DTWD2: variants seen among roughly 807,000 people sequenced by gnomAD.
The protein encoded by DTWD2 is tRNA-uridine aminocarboxypropyltransferase 2.
Under a neutral mutation model 31.8 loss-of-function variants are expected in DTWD2, and 39 were observed. That is an observed-to-expected ratio of 1.22 (90% CI 0.95 to 1.60). The LOEUF (loss-of-function observed/expected upper bound fraction) is 1.60, where lower values mean the gene tolerates loss of function less well. Ranked by LOEUF, DTWD2 falls within the 40% of genes most tolerant of loss-of-function variation. DTWD2 has a pLI of 0.00. For missense variants in DTWD2, 515 were observed against 381.5 expected, an observed-to-expected ratio of 1.35 and a Z score of -2.92; for synonymous variants, 180 against 142.8, an observed-to-expected ratio of 1.26 and a Z score of -1.86.
chr5:118,867,826 G>A (rs114133017), intron 4 of DTWD2, among the ~76,000 whole-genome samples: 2,045 of 152,168 alleles, frequency 0.013, 52 homozygotes, highest in African/African-American at 0.047. Flanking sequence ...ACTTAATATT[G>A]TTAAAATGTC....
chr5:118,984,141 T>G (rs905597059), intron 1 of DTWD2, among the ~76,000 whole-genome samples: 2 of 152,052 alleles, frequency 1.3e-5, no homozygotes, highest in African/African-American at 4.8e-5. Context: ...ACAAAATTAG[T>G]GAGGCGTGGT....
intron 4 of DTWD2, among the ~76,000 whole-genome samples, chr5:118,864,692 A>C (rs532201585): frequency 4.0e-5 from 6 of 150,266 alleles, no homozygotes; most frequent in Non-Finnish European, 7.4e-5. Context: ...GTTAGGGTAC[A>C]TGTGTGTGTA....
Position 118,944,652 on chromosome 5 carries a change from A to G in DTWD2, c.219-3T>C, listed in dbSNP as rs544754424. The G allele has an allele frequency of 1.9e-6, 3 of 1,609,418 alleles. No homozygotes were observed. The highest frequency in any genetic ancestry group is 2.2e-5 in the East Asian group (1 of 44,768). ...ACAAACACACTTTCTGAGGCCGGCT[A>G]AAGGGTAAAAAGAAAAATAAAACTG... On this transcript the variant is annotated splice_region_variant and splice_polypyrimidine_tract_variant and intron_variant, in intron 1 of 5. Coordinates refer to ENST00000510708, the MANE Select transcript of DTWD2 (RefSeq NM_173666.4).
chr5:118,988,334 C>A lies in DTWD2; in HGVS notation c.178G>T (p.Val60Leu). The A allele has an allele frequency of 6.5e-7, 1 of 1,547,298 alleles. No homozygotes were observed. The highest frequency in any genetic ancestry group is 8.7e-7 in the Non-Finnish European group (1 of 1,150,370). The change falls in exon 1 of 6, where the codon GTG (valine) becomes TTG (leucine). Residue 60 changes from valine (V) to leucine (L), a missense_variant. By Grantham distance (32) the Val-to-Leu change is conservative. Transcript: ENST00000510708. Reference sequence around the variant, plus strand: ...TCAGGCCTCCGCTCGGCCGGCTCCACCGGCAGCTCCCACAGCCCGTCCGCA... The same window carrying A: ...TCAGGCCTCCGCTCGGCCGGCTCCAACGGCAGCTCCCACAGCCCGTCCGCA... ...DSADGLWELP[V>L]EPAERRPECT...
chr5:118,920,177 A>G lies in DTWD2; in HGVS notation c.597+8360T>C, dbSNP rs530624631. On this transcript the variant is annotated intron_variant, in intron 4 of 5. Transcript: ENST00000510708. ...TCAGTCTTTGGTATTTTGTTGTAAC[A>G]CCCTGAAAAAACAAAAAGCCCAAGC... is the stretch of plus-strand genomic sequence containing the variant. Among the ~76,000 whole-genome samples, 171 of 152,182 alleles carry G rather than the reference A, an allele frequency of 1.1e-3. 1 individual carries two copies. Among genetic ancestry groups the G allele is most frequent in the Non-Finnish European group, 1.1e-3 (72 of 68,012 alleles).
rs1751570064 is a variant in DTWD2, at chr5:118,836,393, T to C, written c.*4524A>G. ...AGCTGGGATTACAGGTGCCTGCCAC[T>C]ACGCCTGGCTAATTTTTGTATTTTT... On this transcript the variant is annotated 3_prime_UTR_variant, in exon 6 of 6. Transcript: ENST00000510708. Among the ~76,000 whole-genome samples, 1 of 151,992 alleles carries C rather than the reference T, an allele frequency of 6.6e-6. No homozygotes were observed.
Position 118,838,231 on chromosome 5 carries a change from C to G in DTWD2, c.*2686G>C, listed in dbSNP as rs1751619208. ...TGATTTTCAACATACTATAAAGGAGCTGATTAAAAGTGAGGTCACTTTATG... is the reference window on the plus strand; with the variant it reads ...TGATTTTCAACATACTATAAAGGAGGTGATTAAAAGTGAGGTCACTTTATG... On this transcript the variant is annotated 3_prime_UTR_variant, in exon 6 of 6. Transcript: ENST00000510708. The G allele has an allele frequency of 6.6e-6, 1 of 152,106 alleles. No homozygotes were observed. The highest frequency in any genetic ancestry group is 1.5e-5 in the Non-Finnish European group (1 of 68,030). 9.4% of individuals were successfully genotyped at this position (152,106 alleles called of 1,614,324 possible).
At chr5:118,847,989 C>T (rs1411595084) in intron 5 of DTWD2, 101 bp downstream of exon 5, 2 of 1,270,620 alleles carry the variant, frequency 1.6e-6, no homozygotes, top group African/African-American at 3.1e-5. Context: ...GAAGATTCTA[C>T]TTGTCACATG....
intron 4 of DTWD2, among the ~76,000 whole-genome samples, chr5:118,911,533 T>C (rs931719509): frequency 6.6e-6 from 1 of 152,140 alleles, no homozygotes; most frequent in Non-Finnish European, 1.5e-5. Flanking sequence ...GAAAACGGAA[T>C]CATGAAAAGA....
intron 1 of DTWD2, among the ~76,000 whole-genome samples, chr5:118,965,832 C>G (rs375903727): frequency 3.3e-5 from 5 of 152,110 alleles, no homozygotes; most frequent in Non-Finnish European, 1.5e-5. Flanking sequence ...CTAGGAAAAC[C>G]AGAAACCTTT....
chr5:118,966,410 T>G (rs1210229724), intron 1 of DTWD2, among the ~76,000 whole-genome samples: 1 of 152,228 alleles, frequency 6.6e-6, no homozygotes, highest in Non-Finnish European at 1.5e-5. Context: ...TATACACCTC[T>G]TTTGTGTTCA....
chr5:118,838,893 T>G lies in DTWD2; in HGVS notation c.*2024A>C, dbSNP rs981391290. ...GAGTTTTCTTTTTAAAAAATAATAA[T>G]GATGGCTGGGCACGGTCCCAGCACT... On this transcript the variant is annotated 3_prime_UTR_variant, in exon 6 of 6. Coordinates refer to ENST00000510708, the MANE Select transcript of DTWD2 (RefSeq NM_173666.4). 1 of 152,058 alleles carries G rather than the reference T, an allele frequency of 6.6e-6. No homozygotes were observed. 9.4% of individuals were successfully genotyped at this position (152,058 alleles called of 1,614,324 possible).
chr5:118,912,383 GA>G (rs919408627), intron 4 of DTWD2, among the ~76,000 whole-genome samples: 2 of 151,484 alleles, frequency 1.3e-5, no homozygotes, highest in African/African-American at 4.8e-5. Flanking sequence ...AGTACCTTTA[GA>G]AAAAAAAATC....
intron 4 of DTWD2, among the ~76,000 whole-genome samples, chr5:118,853,561 C>T (rs995193762): frequency 1.3e-5 from 2 of 152,114 alleles, no homozygotes; most frequent in Non-Finnish European, 2.9e-5. Flanking sequence ...TGGAATACTA[C>T]ACAGCCATAG....
intron 1 of DTWD2, among the ~76,000 whole-genome samples, chr5:118,956,045 TG>T: frequency 1.3e-5 from 2 of 152,180 alleles, no homozygotes; most frequent in East Asian, 3.8e-4. Context: ...GTTATTGTCT[TG>T]CTATGTGACC....
intron 4 of DTWD2, among the ~76,000 whole-genome samples, chr5:118,891,187 T>A (rs1580789966): frequency 6.6e-6 from 1 of 151,856 alleles, no homozygotes; most frequent in East Asian, 1.9e-4. Flanking sequence ...ATAAGAAAAT[T>A]ATCCTGATTT....
intron 2 of DTWD2, among the ~76,000 whole-genome samples, 161 bp downstream of exon 2, chr5:118,944,398 T>C (rs1754282486): frequency 6.6e-6 from 1 of 152,224 alleles, no homozygotes; most frequent in South Asian, 2.1e-4. Flanking sequence ...ATACTATCAG[T>C]TGAAATTAAA....
chr5:118,964,217 C>CAA (rs34712667), intron 1 of DTWD2, among the ~76,000 whole-genome samples: 10 of 84,744 alleles, frequency 1.2e-4, no homozygotes, highest in East Asian at 3.5e-4. Context: ...GACTCCATCT[C>CAA]AAAAAAAAAA....
At chr5:118,904,688 C>T (rs931317114) in intron 4 of DTWD2, among the ~76,000 whole-genome samples, 1 of 151,928 alleles carries the variant, frequency 6.6e-6, no homozygotes, top group Non-Finnish European at 1.5e-5. Context: ...AAGAAACAGA[C>T]ATACAGAGAA....
Sources: gnomAD v4.1 joint callset for allele counts (sites outside exome capture counted in the v4.1 genomes callset) on GRCh38, gnomAD v4.1.1 for gene constraint, MANE v1.5 for transcripts, NCBI Gene and HGNC (gene_info 2026-07-23, HGNC 2026-07-21) for gene names.